Variants in GRIN2B observed in about 807,000 individuals in gnomAD.
GRIN2B encodes the protein glutamate receptor ionotropic, NMDA 2B.
In GRIN2B, 5 loss-of-function variants were observed where a neutral mutation model predicts 114.5. The ratio of observed to expected loss-of-function variants is 0.04; its 90% CI spans 0.02 to 0.09. The LOEUF (loss-of-function observed/expected upper bound fraction) is 0.09, where lower values mean the gene tolerates loss of function less well. Ranked by LOEUF, GRIN2B falls within the 10% of genes least tolerant of loss-of-function variation. The pLI, the probability that GRIN2B is intolerant of heterozygous loss-of-function variation, is 1.00. For synonymous variants in GRIN2B, 787 were observed against 745.1 expected (o/e 1.06, Z -0.92); for missense variants, 1,108 against 1,943.5 (o/e 0.57, Z 8.08).
At chr12:13,869,535 C>T (rs2136751858) in intron 2 of GRIN2B, among the ~76,000 whole-genome samples, 1 of 152,132 alleles carries the variant, frequency 6.6e-6, no homozygotes, top group African/African-American at 2.4e-5. Flanking sequence ...TTATTATTGC[C>T]AGGTAAATTT....
At chr12:13,853,593 G>A (rs1016136479) in intron 3 of GRIN2B, among the ~76,000 whole-genome samples, 2 of 152,186 alleles carry the variant, frequency 1.3e-5, no homozygotes, top group African/African-American at 4.8e-5. Flanking sequence ...ACCTGAAGCA[G>A]GCCTTTTGCC....
At chr12:13,788,198 G>A (rs1161281333) in intron 3 of GRIN2B, among the ~76,000 whole-genome samples, 2 of 152,196 alleles carry the variant, frequency 1.3e-5, no homozygotes, top group Non-Finnish European at 2.9e-5. Context: ...TTAGAAGAGA[G>A]ATTATGTGTG....
In GRIN2B at chr12:13,899,789, T is replaced by C. The variant is rs538451992; in HGVS notation, c.-18-33563A>G. On this transcript the variant is annotated intron_variant, in intron 2 of 13. Transcript: ENST00000609686. ...TGAAGACGTAGCTATGGCCATGCTT[T>C]TTTTAGAGAAATCCACAGATGTGCT... Among the ~76,000 whole-genome samples the C allele has an allele frequency of 9.0e-5, 13 of 144,926 alleles. 1 individual carries two copies. Among genetic ancestry groups the C allele is most frequent in the African/African-American group, 3.2e-4 (13 of 41,210 alleles).
In GRIN2B at chr12:13,627,771, A is replaced by C. The variant is rs1354939150; in HGVS notation, c.1126-11114T>G. Among the ~76,000 whole-genome samples the C allele has an allele frequency of 4.6e-5, 7 of 152,332 alleles. No homozygotes were observed. In the East Asian group the frequency reaches 1.4e-3, roughly 29 times the overall value. Reference sequence around the variant, plus strand: ...TGTGGGGGTGCTTGGACAGCCACAGAGTCTACAGTCACAGCCAAACGCACT... The same window carrying C: ...TGTGGGGGTGCTTGGACAGCCACAGCGTCTACAGTCACAGCCAAACGCACT... On this transcript the variant is annotated intron_variant, in intron 5 of 13. Coordinates refer to ENST00000609686, the MANE Select transcript of GRIN2B (RefSeq NM_000834.5).
At chr12:13,918,897 A>G (rs958203051) in intron 2 of GRIN2B, among the ~76,000 whole-genome samples, 1 of 152,160 alleles carries the variant, frequency 6.6e-6, no homozygotes, top group East Asian at 1.9e-4. Context: ...TTTGTCTAGG[A>G]TCCTTCTCAA....
At chr12:13,850,201 C>A (rs1865535581) in intron 3 of GRIN2B, among the ~76,000 whole-genome samples, 1 of 152,150 alleles carries the variant, frequency 6.6e-6, no homozygotes, top group South Asian at 2.1e-4. Flanking sequence ...AGACCTATCG[C>A]CATCCAGGAT....
intron 3 of GRIN2B, among the ~76,000 whole-genome samples, chr12:13,858,117 GT>G (rs1247634473): frequency 1.3e-5 from 2 of 152,100 alleles, no homozygotes; most frequent in African/African-American, 4.8e-5. Flanking sequence ...CTGATCTATA[GT>G]TTCCTTGTCT....
chr12:13,970,686 AACACACACACACACACACACACACAC>A (rs5796570), intron 2 of GRIN2B, among the ~76,000 whole-genome samples: 1 of 145,052 alleles, frequency 6.9e-6, no homozygotes, highest in African/African-American at 2.6e-5. Context: ...GCAGGCTCTA[AACACACACACACACACACACACACAC>A]ACACACACAC....
intron 3 of GRIN2B, among the ~76,000 whole-genome samples, chr12:13,765,589 CT>C (rs961757093): frequency 1.3e-5 from 2 of 152,212 alleles, no homozygotes; most frequent in African/African-American, 4.8e-5. Flanking sequence ...CACTCTCAGC[CT>C]TTTCTTCCTG....
intron 4 of GRIN2B, among the ~76,000 whole-genome samples, chr12:13,692,301 T>C (rs1335001192): frequency 6.6e-6 from 1 of 152,112 alleles, no homozygotes; most frequent in Non-Finnish European, 1.5e-5. Flanking sequence ...ATTGGTGAAA[T>C]CTATCCCTGT....
At chr12:13,797,520 C>A (rs1475004804) in intron 3 of GRIN2B, among the ~76,000 whole-genome samples, 2 of 152,148 alleles carry the variant, frequency 1.3e-5, no homozygotes, top group African/African-American at 2.4e-5. Flanking sequence ...TTTGAAGAAT[C>A]CCTAATGGTT....
At chr12:13,881,798 A>G (rs557916313) in intron 2 of GRIN2B, among the ~76,000 whole-genome samples, 98 of 152,190 alleles carry the variant, frequency 6.4e-4, no homozygotes, top group Middle Eastern at 3.4e-3. Flanking sequence ...CCTGCTTGCC[A>G]TACTACACTT....
chr12:13,547,979 A>ATTTTTTTTTTTTTTTTT lies in GRIN2B; in HGVS notation c.*14803_*14804insAAAAAAAAAAAAAAAAA, dbSNP rs1425325795. On this transcript the variant is annotated 3_prime_UTR_variant, in exon 14 of 14. Coordinates refer to ENST00000609686, the MANE Select transcript of GRIN2B (RefSeq NM_000834.5). ...TGTGTGTATATATATATATATATAT[A>ATTTTTTTTTTTTTTTTT]TATTTTTTTTTTTTTTCTGAAAGCT... 5.0e-5 allele frequency: 3 copies of ATTTTTTTTTTTTTTTTT among 59,562 alleles called. No individual in the cohort carries two copies. Among genetic ancestry groups the ATTTTTTTTTTTTTTTTT allele is most frequent in the African/African-American group, 4.8e-5 (1 of 20,658 alleles). The allele number at this position is 59,562 out of a possible 1,614,324, so 3.7% of individuals were successfully genotyped here.
chr12:13,905,457 CCTTTT>C lies in GRIN2B; in HGVS notation c.-18-39236_-18-39232del, dbSNP rs1394789916. On this transcript the variant is annotated intron_variant, in intron 2 of 13. Coordinates refer to ENST00000609686, the MANE Select transcript of GRIN2B (RefSeq NM_000834.5). ...GTTCCTGGAGATATTTTTAAGCTTC[CCTTTT>C]ATTTATTTAAATGTGGTAAGTATAG... Among the ~76,000 whole-genome samples the C allele has an allele frequency of 1.2e-4, 19 of 152,182 alleles. 1 individual carries two copies. The Middle Eastern group carries it at 0.01, about 82-fold the overall frequency.
rs866948328 is a variant in GRIN2B at position 13,607,273 on chromosome 12, A to T, written c.2010+1330T>A. 4.6e-3 allele frequency among the ~76,000 whole-genome samples: 82 copies of T among 17,774 alleles called. 2 individuals are homozygous for T. The highest frequency in any genetic ancestry group is 0.013 in the African/African-American group (78 of 5,908). The allele number at this position is 17,774 out of a possible 152,430, so 11.7% of individuals were successfully genotyped here. On this transcript the variant is annotated intron_variant, in intron 10 of 13. Coordinates refer to ENST00000609686, the MANE Select transcript of GRIN2B (RefSeq NM_000834.5). The stretch of plus-strand genomic sequence containing the variant: ...AATATATATTATATATAATATATAA[A>T]ATATATAATATATATTATATAAAAA...
At position 13,753,188 on chromosome 12, in the gene GRIN2B, T is replaced by C. The variant is rs1863514441; in HGVS notation, c.1010+129A>G. The stretch of plus-strand genomic sequence containing the variant: ...CTCCCCCAATCATGACCAATTGCCA[T>C]GCCCAAGGCCAGGCTTCAACCTGCT... On this transcript the variant is annotated intron_variant, in intron 4 of 13. Transcript: ENST00000609686. The surrounding 1 kb of genome is among the most constrained non-coding windows in gnomAD (Gnocchi z 6.2). 2.6e-6 allele frequency: 2 copies of C among 774,552 alleles called. No individual in the cohort carries two copies. Among genetic ancestry groups the C allele is most frequent in the East Asian group, 2.4e-5 (1 of 41,162 alleles). 48.0% of individuals were successfully genotyped at this position (774,552 alleles called of 1,614,324 possible). A position where few individuals can be genotyped will look rare whatever the true frequency, so the allele number is the denominator to read the frequency against.
chr12:13,962,902 G>A (rs953664530), intron 2 of GRIN2B, among the ~76,000 whole-genome samples: 1 of 152,224 alleles, frequency 6.6e-6, no homozygotes, highest in Non-Finnish European at 1.5e-5. Flanking sequence ...GTCCCTCCCT[G>A]GGGAATGCAG....
intron 3 of GRIN2B, among the ~76,000 whole-genome samples, chr12:13,856,473 G>A (rs1170286882): frequency 3.9e-5 from 6 of 152,236 alleles, no homozygotes; most frequent in East Asian, 1.9e-4. Context: ...TCACTGCAGC[G>A]TGTATGGAGT....
intron 3 of GRIN2B, among the ~76,000 whole-genome samples, chr12:13,831,159 C>T (rs1279233698): frequency 6.6e-6 from 1 of 152,238 alleles, no homozygotes; most frequent in East Asian, 1.9e-4. Context: ...CTTCCACCTT[C>T]AGAGGAAGCA....
Sources: gnomAD v4.1 joint callset for allele counts (sites outside exome capture counted in the v4.1 genomes callset) on GRCh38, gnomAD v4.1.1 for gene constraint, Gnocchi (gnomAD v3.1) non-coding constraint, MANE v1.5 for transcripts, NCBI Gene and HGNC (gene_info 2026-07-23, HGNC 2026-07-21) for gene names.